The following CTSK variants were observed in gnomAD, a reference collection of about 807,000 sequenced individuals.
The protein encoded by CTSK is cathepsin O.
A neutral mutation model predicts 40.5 loss-of-function variants in CTSK; 26 were observed. The ratio of observed to expected loss-of-function variants is 0.64; its 90% confidence interval spans 0.47 to 0.89. The LOEUF (loss-of-function observed/expected upper bound fraction) is 0.89, where lower values mean the gene tolerates loss of function less well. CTSK is among the 40% of genes least tolerant of loss of function. The pLI is 0.00. For synonymous variants in CTSK, 132 were observed against 143.2 expected, an observed-to-expected ratio of 0.92 and a Z score of 0.56; for missense variants, 292 against 400.1, an observed-to-expected ratio of 0.73 and a Z score of 2.30.
In CTSK at chr1:150,796,808, G is replaced by A. The variant is rs2101945934; in HGVS notation, c.981C>T (p.Pro327=). 6.2e-7 allele frequency: 1 copy of A among 1,612,376 alleles called. No individual in the cohort carries two copies. The highest frequency in any genetic ancestry group is 8.5e-7 in the Non-Finnish European group (1 of 1,178,422). Residue 327 remains proline, a synonymous_variant, in exon 8 of 8, where the codon CCC becomes CCT. Coordinates refer to ENST00000271651, the MANE Select transcript of CTSK (RefSeq NM_000396.4). ...ACGIANLASF[P]KM ...ATTTGGCTGGCTGGAGTCACATCTTGGGGAAGCTGGCCAGGTTGGCAATGC... is the reference window on the plus strand; with the variant it reads ...ATTTGGCTGGCTGGAGTCACATCTTAGGGAAGCTGGCCAGGTTGGCAATGC...
In CTSK at chr1:150,796,693, C is replaced by T; in HGVS notation, c.*106G>A. Reference sequence around the variant, plus strand: ...AACTGAACAGACAATCTCAGTATCACCACATCTGCTTCAAAAATAGCACAC... The same window carrying T: ...AACTGAACAGACAATCTCAGTATCATCACATCTGCTTCAAAAATAGCACAC... On this transcript the variant is annotated 3_prime_UTR_variant, in exon 8 of 8. Transcript: ENST00000271651. 2 of 834,052 alleles carry T rather than the reference C, an allele frequency of 2.4e-6. No homozygotes were observed. Among genetic ancestry groups the T allele is most frequent in the East Asian group, 4.8e-5 (2 of 41,470 alleles). The allele number at this position is 834,052 out of a possible 1,614,324, so 51.7% of individuals were successfully genotyped here.
intron 1 of CTSK, among the ~76,000 whole-genome samples, 195 bp from the exon 2 acceptor site, chr1:150,807,001 C>G (rs111262867): frequency 1.3e-4 from 19 of 147,466 alleles, no homozygotes; most frequent in Admixed American, 4.1e-4. Flanking sequence ...AGCCATTTCT[C>G]TCTTTCTCTC....
chr1:150,800,132 C>G (rs1401645734), intron 5 of CTSK, among the ~76,000 whole-genome samples: 3 of 140,306 alleles, frequency 2.1e-5, no homozygotes, highest in Admixed American at 7.9e-5. Context: ...GGGAGGCAGA[C>G]CTTGTAGTGA....
chr1:150,803,909 A>C, intron 5 of CTSK, 112 bp downstream of exon 5: 1 of 982,662 alleles, frequency 1.0e-6, no homozygotes, highest in South Asian at 1.3e-5. Context: ...TCCATCAAGA[A>C]AGCAGGATAG....
At chr1:150,803,063 A>C (rs1359671376) in intron 5 of CTSK, among the ~76,000 whole-genome samples, 1 of 152,242 alleles carries the variant, frequency 6.6e-6, no homozygotes, top group East Asian at 1.9e-4. Context: ...ACAATTTGAC[A>C]TTGTGTAGTA....
At position 150,803,937 on chromosome 1, in the gene CTSK, T is replaced by A. The variant is rs75264345; in HGVS notation, c.618+84A>T. 625 of 1,150,442 alleles carry A rather than the reference T, an allele frequency of 5.4e-4. 3 individuals carry two copies. The African/African-American group carries it at 7.8e-3, about 14-fold the overall frequency. The allele number at this position is 1,150,442 out of a possible 1,614,324, so 71.3% of individuals were successfully genotyped here. On this transcript the variant is annotated intron_variant, in intron 5 of 7. Coordinates refer to ENST00000271651, the MANE Select transcript of CTSK (RefSeq NM_000396.4). Reference sequence around the variant, plus strand: ...CAGGATAGGATAACAGAAAACAGTATTTCTGGAATTGTTTCCAGTACAAAA... The same window carrying A: ...CAGGATAGGATAACAGAAAACAGTAATTCTGGAATTGTTTCCAGTACAAAA...
rs1160880587 is a variant in CTSK at position 150,799,247 on chromosome 1, T to A, written c.811A>T (p.Ser271Cys). The A allele has an allele frequency of 6.2e-7, 1 of 1,613,036 alleles. No individual in the cohort carries two copies. The highest frequency in any genetic ancestry group is 1.1e-5 in the South Asian group (1 of 91,046). ...AAAACTGCATGGTTCAGATTATCGCTATTGCAGCTTTCATCATAATACACA... is the reference window on the plus strand; with the variant it reads ...AAAACTGCATGGTTCAGATTATCGCAATTGCAGCTTTCATCATAATACACA... Reference protein sequence around the residue: ...KGVYYDESCNSDNLNHAVLAV... With the variant: ...KGVYYDESCNCDNLNHAVLAV... Residue 271 changes from serine to cysteine, a missense_variant, in exon 7 of 8, where the codon AGC (serine) becomes TGC (cysteine). Ser to Cys is a moderately radical substitution (Grantham distance 112). Transcript: ENST00000271651.
chr1:150,798,163 G>A (rs587612860), intron 7 of CTSK, among the ~76,000 whole-genome samples: 1 of 152,202 alleles, frequency 6.6e-6, no homozygotes, highest in South Asian at 2.1e-4. Flanking sequence ...GTACCCTGGA[G>A]TTTTCTTTGT....
intron 2 of CTSK, 60 bp downstream of exon 2, chr1:150,806,626 T>C: frequency 6.2e-7 from 1 of 1,610,650 alleles, no homozygotes; most frequent in Admixed American, 1.7e-5. Context: ...GTCTGGAAGC[T>C]AAGATGAGAG....
chr1:150,806,508 G>A (rs1209924604), intron 2 of CTSK, among the ~76,000 whole-genome samples, 178 bp downstream of exon 2: 2 of 152,198 alleles, frequency 1.3e-5, no homozygotes, highest in African/African-American at 4.8e-5. Flanking sequence ...GAAGGATACA[G>A]TTTGACAGAG....
intron 4 of CTSK, among the ~76,000 whole-genome samples, chr1:150,804,758 G>C (rs1460889804): frequency 1.3e-5 from 2 of 151,998 alleles, no homozygotes; most frequent in Non-Finnish European, 2.9e-5. Flanking sequence ...TAGTCATCTT[G>C]AGTCTCTGCT....
intron 7 of CTSK, 99 bp from the exon 8 acceptor site, chr1:150,796,997 T>C: frequency 1.2e-6 from 1 of 855,002 alleles, no homozygotes; most frequent in Non-Finnish European, 2.0e-6. Context: ...TACACAAAAA[T>C]GAATATGATG....
intron 4 of CTSK, among the ~76,000 whole-genome samples, chr1:150,804,938 A>T (rs773558575): frequency 6.6e-6 from 1 of 152,202 alleles, no homozygotes; most frequent in African/African-American, 2.4e-5. Context: ...TGGGCTGGGC[A>T]TGGTGGCTCA....
intron 1 of CTSK, chr1:150,807,419 A>G (rs935547434): frequency 2.1e-6 from 1 of 469,512 alleles, no homozygotes; most frequent in African/African-American, 2.0e-5. Context: ...CATTCTCCTT[A>G]TGCATTTCTT....
rs201408812 is a variant in CTSK at position 150,799,293 on chromosome 1, C to G, written c.785-20G>C. ...ACACACCTAGAATACAAACTACCAG[C>G]GTGAGGCTCTATGCAATCCAAGGGT... is the stretch of plus-strand genomic sequence containing the variant. On this transcript the variant is annotated intron_variant, in intron 6 of 7. Coordinates refer to ENST00000271651, the MANE Select transcript of CTSK (RefSeq NM_000396.4). The G allele has an allele frequency of 6.4e-7, 1 of 1,553,694 alleles. No homozygotes were observed. The highest frequency in any genetic ancestry group is 1.7e-5 in the Admixed American group (1 of 59,966).
At chr1:150,803,998 A>G (rs1571126225) in intron 5 of CTSK, 23 bp downstream of exon 5, 2 of 1,591,884 alleles carry the variant, frequency 1.3e-6, no homozygotes, top group South Asian at 2.2e-5. Flanking sequence ...ACAGAGCTGT[A>G]TAATTGTGTG....
At position 150,796,246 on chromosome 1, in the gene CTSK, G is replaced by A. The variant is rs981441033; in HGVS notation, c.*553C>T. The A allele has an allele frequency of 5.7e-6, 1 of 175,366 alleles. No homozygotes were observed. Among genetic ancestry groups the A allele is most frequent in the Non-Finnish European group, 1.2e-5 (1 of 81,136 alleles). The allele number at this position is 175,366 out of a possible 1,614,324, so 10.9% of individuals were successfully genotyped here. A position where few individuals can be genotyped will look rare whatever the true frequency, so the allele number is the denominator to read the frequency against. On this transcript the variant is annotated 3_prime_UTR_variant, in exon 8 of 8. Transcript: ENST00000271651. ...GATGCTATTTATTAAACTGTAGACA[G>A]GAGATAAATACTTTATTTCAAAAGT...
chr1:150,806,343 G>T, intron 2 of CTSK, 119 bp from the exon 3 acceptor site: 2 of 1,175,032 alleles, frequency 1.7e-6, no homozygotes, highest in Non-Finnish European at 1.2e-6. Context: ...TTTAGTTGGG[G>T]AACTAACCAT....
chr1:150,799,429 T>C (rs1653939724), intron 6 of CTSK, 115 bp downstream of exon 6: 1 of 1,351,528 alleles, frequency 7.4e-7, no homozygotes, highest in African/African-American at 1.4e-5. Context: ...AATTTCTCTC[T>C]GGCCACCTCC....
Sources: allele counts gnomAD v4.1 joint callset (sites outside exome capture counted in the v4.1 genomes callset), GRCh38; gene constraint gnomAD v4.1.1; transcripts MANE v1.5; gene names NCBI Gene and HGNC (gene_info 2026-07-23, HGNC 2026-07-21).